ZMIZ1: variants seen among roughly 807,000 people sequenced by gnomAD.
ZMIZ1 encodes the protein zinc finger MIZ-type containing 1, also known as zinc finger MIZ domain-containing protein 1.
In ZMIZ1, 17 loss-of-function variants were observed where a neutral mutation model predicts 113.9. The ratio of observed to expected loss-of-function variants is 0.15; its 90% confidence interval spans 0.10 to 0.22. ZMIZ1 has a LOEUF of 0.22. Ranked by LOEUF, ZMIZ1 falls within the 10% of genes least tolerant of loss-of-function variation. The pLI is 1.00. For synonymous variants in ZMIZ1, 607 were observed against 603.1 expected (o/e 1.01, Z -0.09); for missense variants, 1,059 against 1,477.8 (o/e 0.72, Z 4.65).
At chr10:79,085,349 G>T (rs969726598) in intron 1 of ZMIZ1, among the ~76,000 whole-genome samples, 2 of 152,214 alleles carry the variant, frequency 1.3e-5, no homozygotes, top group African/African-American at 4.8e-5. Context: ...GGGGTCAAGG[G>T]GCCAACATGC....
rs57212618 is a variant in ZMIZ1 at position 79,183,358 on chromosome 10, GCACACA to G, written c.-49-18206_-49-18201del. ...GCACAGGCCTGAGGCTCGTGCACGC[GCACACA>G]CACACACACACACACACACGCACAC... On this transcript the variant is annotated intron_variant, in intron 4 of 24. Coordinates refer to ENST00000334512, the MANE Select transcript of ZMIZ1 (RefSeq NM_020338.4). Among the ~76,000 whole-genome samples the G allele has an allele frequency of 1.1e-3, 161 of 150,786 alleles. 1 individual carries two copies. Among genetic ancestry groups the G allele is most frequent in the African/African-American group, 2.6e-3 (109 of 41,170 alleles).
Position 79,169,148 on chromosome 10 carries a change from C to T in ZMIZ1, c.-50+7015C>T, listed in dbSNP as rs549897727. 3.3e-5 allele frequency among the ~76,000 whole-genome samples: 5 copies of T among 152,316 alleles called. No individual in the cohort carries two copies. In the East Asian group the frequency reaches 9.6e-4, roughly 29 times the overall value. On this transcript the variant is annotated intron_variant, in intron 4 of 24. Transcript: ENST00000334512. ...GTGGTGCCACCTCCATCTGGCCCAC[C>T]CTCAGGTTGGTGGGACAGGCTGGCA...
intron 1 of ZMIZ1, among the ~76,000 whole-genome samples, chr10:79,078,376 A>G (rs1302267706): frequency 3.3e-5 from 5 of 152,056 alleles, no homozygotes; most frequent in Non-Finnish European, 7.4e-5. Flanking sequence ...TCTGAAGACC[A>G]TGAGCCGAAA....
chr10:79,116,415 C>T (rs924404575), intron 1 of ZMIZ1, among the ~76,000 whole-genome samples: 1 of 152,118 alleles, frequency 6.6e-6, no homozygotes, highest in Non-Finnish European at 1.5e-5. Context: ...AGAGAGAGAA[C>T]TGTGTGAATA....
At chr10:79,256,663 C>A (rs564248345) in intron 7 of ZMIZ1, among the ~76,000 whole-genome samples, 37 of 152,358 alleles carry the variant, frequency 2.4e-4, no homozygotes, top group Middle Eastern at 3.4e-3. Flanking sequence ...GAAGACTGGA[C>A]TCTTAAGCTC....
rs752104742 is a variant in ZMIZ1, at chr10:79,201,701, G to C, written c.60+9G>C. The C allele has an allele frequency of 6.2e-7, 1 of 1,612,524 alleles. No individual in the cohort carries two copies. The highest frequency in any genetic ancestry group is 1.3e-5 in the African/African-American group (1 of 74,926). Reference sequence around the variant, plus strand: ...TGCAGTGCATCAAGCAGGTGGGTGTGGGGCAAGGCACACTCCGAGGGCGGG... The same window carrying C: ...TGCAGTGCATCAAGCAGGTGGGTGTCGGGCAAGGCACACTCCGAGGGCGGG... On this transcript the variant is annotated intron_variant, in intron 5 of 24. Coordinates refer to ENST00000334512, the MANE Select transcript of ZMIZ1 (RefSeq NM_020338.4).
At chr10:79,206,260 G>A (rs2132672983) in intron 5 of ZMIZ1, among the ~76,000 whole-genome samples, 2 of 152,330 alleles carry the variant, frequency 1.3e-5, no homozygotes, top group East Asian at 3.9e-4. Context: ...AACCAGACTG[G>A]GCCTCTGAGA....
At chr10:79,136,874 C>T (rs1047368460) in intron 2 of ZMIZ1, among the ~76,000 whole-genome samples, 3 of 151,962 alleles carry the variant, frequency 2.0e-5, no homozygotes, top group African/African-American at 7.3e-5. Context: ...GGGCACAGCC[C>T]TGGTGAAGGC....
intron 10 of ZMIZ1, among the ~76,000 whole-genome samples, chr10:79,291,869 G>GTT (rs1276207199): frequency 2.0e-5 from 3 of 152,184 alleles, no homozygotes; most frequent in African/African-American, 7.2e-5. Context: ...AATGCTGCAG[G>GTT]GCCTTGGGCA....
chr10:79,152,667 G>T (rs1241332157), intron 3 of ZMIZ1, among the ~76,000 whole-genome samples: 1 of 152,358 alleles, frequency 6.6e-6, no homozygotes, highest in South Asian at 2.1e-4. Flanking sequence ...TGGTGCATGG[G>T]TTCTGGAGCC....
chr10:79,210,631 A>C (rs1303244949), intron 6 of ZMIZ1, among the ~76,000 whole-genome samples: 1 of 152,218 alleles, frequency 6.6e-6, no homozygotes, highest in Non-Finnish European at 1.5e-5. Flanking sequence ...GAACAGAAAG[A>C]AGGCTCAGGT....
intron 18 of ZMIZ1, among the ~76,000 whole-genome samples, chr10:79,302,705 T>TTTTTTTG (rs1220394783): frequency 1.1e-5 from 1 of 92,422 alleles, no homozygotes; most frequent in Non-Finnish European, 2.1e-5. Context: ...TTTTTTTTTT[T>TTTTTTTG]GAGAGAGAGA....
chr10:79,116,182 G>A (rs1844019929), intron 1 of ZMIZ1, among the ~76,000 whole-genome samples: 1 of 152,042 alleles, frequency 6.6e-6, no homozygotes, highest in African/African-American at 2.4e-5. Flanking sequence ...CCCCAGGAGA[G>A]AATTGCCCTG....
At chr10:79,167,512 C>T (rs2132517981) in intron 4 of ZMIZ1, among the ~76,000 whole-genome samples, 1 of 152,306 alleles carries the variant, frequency 6.6e-6, no homozygotes, top group Non-Finnish European at 1.5e-5. Context: ...AACCGAGGCA[C>T]AGGGCACTTG....
intron 5 of ZMIZ1, among the ~76,000 whole-genome samples, chr10:79,206,969 C>T (rs1456390266): frequency 6.6e-6 from 1 of 152,188 alleles, no homozygotes; most frequent in Non-Finnish European, 1.5e-5. Context: ...GAACCTTAAG[C>T]GAAAGAAATA....
chr10:79,222,916 C>T (rs78629078), intron 7 of ZMIZ1, among the ~76,000 whole-genome samples: 4,140 of 152,298 alleles, frequency 0.027, 134 homozygotes, highest in African/African-American at 0.077. Context: ...CTCAGGACAC[C>T]TTAAGCCAGG....
At chr10:79,076,667 C>G (rs1842485513) in intron 1 of ZMIZ1, among the ~76,000 whole-genome samples, 1 of 152,116 alleles carries the variant, frequency 6.6e-6, no homozygotes, top group South Asian at 2.1e-4. Flanking sequence ...AACCGCATCT[C>G]TGCTAAAGAT....
chr10:79,071,969 G>T (rs1842299863), intron 1 of ZMIZ1, among the ~76,000 whole-genome samples: 1 of 150,902 alleles, frequency 6.6e-6, no homozygotes, highest in African/African-American at 2.4e-5. Flanking sequence ...GTGACTGGGG[G>T]TGGGGGCTGG....
At position 79,296,571 on chromosome 10, in the gene ZMIZ1, A is replaced by G; in HGVS notation, c.1331A>G (p.Asn444Ser). 1 of 1,612,428 alleles carries G rather than the reference A, an allele frequency of 6.2e-7. No individual in the cohort carries two copies. The highest frequency in any genetic ancestry group is 1.3e-5 in the African/African-American group (1 of 74,802). The change falls in exon 13 of 25, where the codon AAC becomes AGC. Residue 444 changes from asparagine (N) to serine (S), a missense_variant. This residue lies in a region of ZMIZ1 where 239 missense variants were observed against 247.5 expected (regional missense o/e 0.97). Coordinates refer to ENST00000334512, the MANE Select transcript of ZMIZ1 (RefSeq NM_020338.4). The surrounding 1 kb of genome is among the most constrained non-coding windows in gnomAD (Gnocchi z 4.1). ...PNPPRPLTSPNYPGQRMPSQP... is the reference protein window; with the variant it reads ...PNPPRPLTSPSYPGQRMPSQP... ...CCCCCGAGGCCACTCACCTCCCCCAACTACCCAGGACAGAGGATGCCCAGC... is the reference window on the plus strand; with the variant it reads ...CCCCCGAGGCCACTCACCTCCCCCAGCTACCCAGGACAGAGGATGCCCAGC...
Sources: gnomAD v4.1 joint callset for allele counts (sites outside exome capture counted in the v4.1 genomes callset) on GRCh38, gnomAD v4.1.1 for gene constraint, gnomAD v4.1.1 regional missense constraint, Gnocchi (gnomAD v3.1) non-coding constraint, MANE v1.5 for transcripts, NCBI Gene and HGNC (gene_info 2026-07-23, HGNC 2026-07-21) for gene names.